ZNF558: variants seen among roughly 807,000 people sequenced by gnomAD.
The protein encoded by ZNF558 is zinc finger protein 558.
ZNF558 carries 23 observed loss-of-function variants against 37.6 expected under a neutral mutation model. The ratio of observed to expected loss-of-function variants is 0.61; its 90% CI spans 0.44 to 0.87. ZNF558 has a LOEUF of 0.87. ZNF558 is among the 40% of genes least tolerant of loss of function. The pLI is 0.00. For synonymous variants in ZNF558, 189 were observed against 174.4 expected (o/e 1.08, Z -0.66); for missense variants, 429 against 483.7 (o/e 0.89, Z 1.06).
intron 7 of ZNF558, among the ~76,000 whole-genome samples, chr19:8,813,691 G>A (rs1311815042): frequency 6.6e-6 from 1 of 152,110 alleles, no homozygotes; most frequent in Non-Finnish European, 1.5e-5. Flanking sequence ...TAGTGCATAT[G>A]GTAACTCTCA....
intron 7 of ZNF558, among the ~76,000 whole-genome samples, chr19:8,816,205 C>T (rs1240802386): frequency 6.6e-6 from 1 of 151,916 alleles, no homozygotes; most frequent in Non-Finnish European, 1.5e-5. Context: ...AAGCTGGGAC[C>T]ATAGGTGTGC....
At chr19:8,823,212 C>T (rs2044138015) in intron 4 of ZNF558, among the ~76,000 whole-genome samples, 1 of 151,974 alleles carries the variant, frequency 6.6e-6, no homozygotes, top group Non-Finnish European at 1.5e-5. Flanking sequence ...GGGCACTGTC[C>T]CACCACCCAG....
intron 2 of ZNF558, chr19:8,830,923 AG>A (rs1400517886): frequency 5.3e-5 from 8 of 152,082 alleles, no homozygotes; most frequent in Non-Finnish European, 1.0e-4. Flanking sequence ...CAAATCAAAC[AG>A]GCCTGAAAAA....
At position 8,811,702 on chromosome 19, in the gene ZNF558, T is replaced by C. The variant is rs1328995530; in HGVS notation, c.788A>G (p.His263Arg). ...TTTTCCACACTGATTACATTCATGG[T>C]GATTCTCCCCCGTGTGAATCCTCTT... is the stretch of plus-strand genomic sequence containing the variant. Reference protein sequence around the residue: ...SHKRIHTGENHHECNQCGKAF... With the variant: ...SHKRIHTGENRHECNQCGKAF... Residue 263 changes from histidine (H) to arginine (R), a missense_variant, in exon 10 of 10, where the codon CAC (histidine) becomes CGC (arginine). Coordinates refer to ENST00000601372, the MANE Select transcript of ZNF558 (RefSeq NM_144693.3). 6.2e-7 allele frequency: 1 copy of C among 1,614,020 alleles called. No homozygotes were observed. Among genetic ancestry groups the C allele is most frequent in the African/African-American group, 1.3e-5 (1 of 74,908 alleles).
rs73920324 is a variant in ZNF558, at chr19:8,813,094, C to T, written c.343+33G>A. The T allele has an allele frequency of 1.5e-3, 2,279 of 1,528,810 alleles. 42 individuals are homozygous for T. The African/African-American group carries it at 0.027, about 18-fold the overall frequency. The allele number at this position is 1,528,810 out of a possible 1,614,324, so 94.7% of individuals were successfully genotyped here. A position where few individuals can be genotyped will look rare whatever the true frequency, so the allele number is the denominator to read the frequency against. The stretch of plus-strand genomic sequence containing the variant: ...CCCCAAGTCACTGGCCAGAGCTATT[C>T]CTCACAAGGGCTCATATCCACCTGG... On this transcript the variant is annotated intron_variant, in intron 8 of 9. Coordinates refer to ENST00000601372, the MANE Select transcript of ZNF558 (RefSeq NM_144693.3).
rs2044120530 is a variant in ZNF558 at position 8,822,549 on chromosome 19, C to T, written c.31+80G>A. 1 of 1,602,598 alleles carries T rather than the reference C, an allele frequency of 6.2e-7. No individual in the cohort carries two copies. The highest frequency in any genetic ancestry group is 1.3e-5 in the African/African-American group (1 of 74,712). On this transcript the variant is annotated intron_variant, in intron 5 of 9. Transcript: ENST00000601372. This position sits in a 1 kb window ranked among gnomAD's most constrained non-coding sequence, Gnocchi z 4.4. ...CCACTCCTGCCTCACCTGCTCTGCC[C>T]AACCCCGCTCGTGTCCCATGCTGTG... is the stretch of plus-strand genomic sequence containing the variant.
intron 2 of ZNF558, among the ~76,000 whole-genome samples, chr19:8,829,800 T>C (rs560684059): frequency 1.3e-5 from 2 of 152,270 alleles, no homozygotes; most frequent in African/African-American, 4.8e-5. Context: ...AAACATTCCT[T>C]CAAGAATGCT....
At chr19:8,828,974 A>G (rs552459032) in intron 2 of ZNF558, among the ~76,000 whole-genome samples, 2 of 150,650 alleles carry the variant, frequency 1.3e-5, no homozygotes, top group South Asian at 2.1e-4. Flanking sequence ...TTAAAAAAAA[A>G]AAAAAGGCCG....
At chr19:8,821,930 G>A in intron 6 of ZNF558, 73 bp downstream of exon 6, 2 of 1,589,754 alleles carry the variant, frequency 1.3e-6, no homozygotes, top group Non-Finnish European at 1.7e-6. Context: ...GAGGCTCCAG[G>A]CTGCTGGAAG....
At chr19:8,832,315 T>C (rs2044382257), upstream of ZNF558, 6 of 152,348 alleles carry the variant, frequency 3.9e-5, no homozygotes, top group South Asian at 1.0e-3. Context: ...GCCCCGCGCT[T>C]CCGCTTCCGG....
chr19:8,821,571 G>C (rs2044091738), intron 6 of ZNF558: 2 of 1,392,106 alleles, frequency 1.4e-6, no homozygotes, highest in Admixed American at 3.1e-5. Flanking sequence ...CCAGTGCACA[G>C]TACCACAGAG....
At position 8,807,564 on chromosome 19, in the gene ZNF558, G is replaced by A. The variant is rs1480636316; in HGVS notation, c.*3717C>T. On this transcript the variant is annotated 3_prime_UTR_variant, in exon 10 of 10. Transcript: ENST00000601372. ...ATCACCCCTTTGTTCCACTCCAGCTGTATTGGCCTCCTTGTTGTGGGCCTT... is the reference window on the plus strand; with the variant it reads ...ATCACCCCTTTGTTCCACTCCAGCTATATTGGCCTCCTTGTTGTGGGCCTT... 2 of 152,174 alleles carry A rather than the reference G, an allele frequency of 1.3e-5. No individual in the cohort carries two copies. The highest frequency in any genetic ancestry group is 2.4e-5 in the African/African-American group (1 of 41,424). 9.4% of individuals were successfully genotyped at this position (152,174 alleles called of 1,614,324 possible).
At chr19:8,833,861 C>A (rs2044420007), upstream of ZNF558, among the ~76,000 whole-genome samples, 3 of 151,826 alleles carry the variant, frequency 2.0e-5, no homozygotes, top group South Asian at 6.2e-4. Context: ...GTGGCGGATG[C>A]CTTGTAATCC....
At chr19:8,835,259 C>T (rs1018844493), upstream of ZNF558, among the ~76,000 whole-genome samples, 1 of 152,042 alleles carries the variant, frequency 6.6e-6, no homozygotes, top group Non-Finnish European at 1.5e-5. Flanking sequence ...GCCATGTTGG[C>T]CAGGCTGGTC....
At chr19:8,814,763 C>T (rs1423247909) in intron 7 of ZNF558, among the ~76,000 whole-genome samples, 1 of 152,128 alleles carries the variant, frequency 6.6e-6, no homozygotes, top group Non-Finnish European at 1.5e-5. Flanking sequence ...TTGTTCCAGG[C>T]CTTCAAATCA....
intron 2 of ZNF558, among the ~76,000 whole-genome samples, chr19:8,828,965 T>TA (rs568078273): frequency 0.16 from 20,348 of 129,298 alleles, 1,540 homozygotes; most frequent in East Asian, 0.3. Context: ...TCTGTCTCAT[T>TA]AAAAAAAAAA....
intron 7 of ZNF558, among the ~76,000 whole-genome samples, chr19:8,820,074 C>T (rs550025441): frequency 1.3e-5 from 2 of 152,196 alleles, no homozygotes; most frequent in East Asian, 1.9e-4. Flanking sequence ...TAGAAAAATG[C>T]AAATCAAAAC....
chr19:8,830,118 C>T (rs1391636655), intron 2 of ZNF558, among the ~76,000 whole-genome samples: 1 of 152,122 alleles, frequency 6.6e-6, no homozygotes, highest in Middle Eastern at 3.2e-3. Flanking sequence ...CCCACAAGAT[C>T]TGATGGTTTA....
chr19:8,812,702 CAT>C (rs2043826465), intron 8 of ZNF558, 59 bp from the exon 9 acceptor site: 6 of 1,151,646 alleles, frequency 5.2e-6, no homozygotes, highest in Admixed American at 2.5e-5. Context: ...AAAGTGTACA[CAT>C]GAGTAAAGGC....
Sources: allele counts gnomAD v4.1 joint callset (sites outside exome capture counted in the v4.1 genomes callset), GRCh38; gene constraint gnomAD v4.1.1; non-coding constraint Gnocchi (gnomAD v3.1); transcripts MANE v1.5; gene names NCBI Gene and HGNC (gene_info 2026-07-23, HGNC 2026-07-21).